Variants in SMG5 observed in about 807,000 individuals in gnomAD.
The protein encoded by SMG5 is SMG5 nonsense mediated mRNA decay factor.
SMG5 carries 53 observed loss-of-function variants against 122.9 expected under a neutral mutation model. The ratio of observed to expected loss-of-function variants is 0.43; its 90% CI spans 0.35 to 0.54. The LOEUF is 0.54. Ranked by LOEUF, SMG5 falls within the 20% of genes least tolerant of loss-of-function variation. SMG5 has a pLI of 0.01. For missense variants in SMG5, 1,153 were observed against 1,285.6 expected (o/e 0.90, Z 1.58); for synonymous variants, 477 against 490.2 (o/e 0.97, Z 0.35).
At chr1:156,282,855 A>C (rs1254433376), upstream of SMG5, 2 of 641,602 alleles carry the variant, frequency 3.1e-6, no homozygotes, top group Non-Finnish European at 5.2e-6. Flanking sequence ...AAATCTCGCG[A>C]TGGCAGCCGC....
chr1:156,268,018 G>A (rs1265579643), intron 9 of SMG5, 97 bp downstream of exon 9: 1 of 1,256,536 alleles, frequency 8.0e-7, no homozygotes, highest in Non-Finnish European at 1.1e-6. Flanking sequence ...CAAACTGAGG[G>A]CAGAACTCGA....
chr1:156,276,697 AC>A (rs1662700426), intron 4 of SMG5, among the ~76,000 whole-genome samples: 2 of 152,240 alleles, frequency 1.3e-5, no homozygotes, highest in Non-Finnish European at 2.9e-5. Context: ...AAGACTGTCC[AC>A]AATTTTCCCA....
chr1:156,268,056 G>A (rs913389867), intron 9 of SMG5, 59 bp downstream of exon 9: 3 of 1,567,372 alleles, frequency 1.9e-6, no homozygotes, highest in Non-Finnish European at 2.6e-6. Context: ...GGTTCCTTCT[G>A]TAAAGCATCA....
At chr1:156,279,599 G>A (rs1349332405) in intron 1 of SMG5, among the ~76,000 whole-genome samples, 1 of 152,158 alleles carries the variant, frequency 6.6e-6, no homozygotes, top group Non-Finnish European at 1.5e-5. Context: ...GAACTGTTGT[G>A]AGGATTAAAT....
Position 156,267,564 on chromosome 1 carries a change from C to T in SMG5, c.1023G>A (p.Glu341=), listed in dbSNP as rs775662116. The change falls in exon 10 of 22, where the codon GAG becomes GAA. Residue 341 remains glutamate (E), a synonymous_variant. Coordinates refer to ENST00000361813, the MANE Select transcript of SMG5 (RefSeq NM_015327.3). Reference sequence around the variant, plus strand: ...GGAAAGCATATCCACTCTCATACTCCTCCTCATCCTCACTGGCCAGGCTGA... The same window carrying T: ...GGAAAGCATATCCACTCTCATACTCTTCCTCATCCTCACTGGCCAGGCTGA... ...PNLSLASEDE[E]EYESGYAFLP... The T allele has an allele frequency of 1.3e-5, 21 of 1,613,966 alleles. No homozygotes were observed. The highest frequency in any genetic ancestry group is 3.3e-5 in the Admixed American group (2 of 60,000).
In SMG5 at chr1:156,250,599, C is replaced by G. The variant is rs767406504; in HGVS notation, c.3039G>C (p.Lys1013Asn). The G allele has an allele frequency of 6.2e-7, 1 of 1,614,120 alleles. No homozygotes were observed. The highest frequency in any genetic ancestry group is 2.2e-5 in the East Asian group (1 of 44,876). ...KNVLDFYKQW[K>N]EIG The stretch of plus-strand genomic sequence containing the variant: ...CTGGGGGTCAGTATCAACCAATTTC[C>G]TTCCACTGCTTGTAGAAGTCCAGAA... Residue 1013 changes from lysine to asparagine, a missense_variant, in exon 22 of 22, where the codon AAG becomes AAC. Physicochemically the swap from Lys to Asn is moderately conservative, Grantham distance 94. Transcript: ENST00000361813.
intron 12 of SMG5, among the ~76,000 whole-genome samples, chr1:156,265,072 C>CACACA (rs1553293436): frequency 6.8e-6 from 1 of 147,734 alleles, no homozygotes; most frequent in South Asian, 2.2e-4. Context: ...CACACACACA[C>CACACA]AAAAGCCGGG....
At chr1:156,272,961 C>A (rs1662500928) in intron 6 of SMG5, among the ~76,000 whole-genome samples, 1 of 152,184 alleles carries the variant, frequency 6.6e-6, no homozygotes, top group Non-Finnish European at 1.5e-5. Context: ...TCCAATATGG[C>A]TCCTCCAAGG....
At chr1:156,268,091 AG>A (rs754002577) in intron 9 of SMG5, 23 bp downstream of exon 9, 5 of 1,612,440 alleles carry the variant, frequency 3.1e-6, no homozygotes, top group Non-Finnish European at 2.5e-6. Flanking sequence ...AGGATAGTTC[AG>A]GTTCATGCTC....
chr1:156,279,127 A>G, intron 1 of SMG5, 93 bp from the exon 2 acceptor site: 1 of 1,080,396 alleles, frequency 9.3e-7, no homozygotes, highest in East Asian at 2.4e-5. Flanking sequence ...AAGCTACAGA[A>G]TTAGCGGTGA....
At chr1:156,259,329 A>C (rs1190416432) in intron 15 of SMG5, among the ~76,000 whole-genome samples, 166 bp from the exon 16 acceptor site, 1 of 152,074 alleles carries the variant, frequency 6.6e-6, no homozygotes, top group Non-Finnish European at 1.5e-5. Context: ...GGAAGGAGAA[A>C]CACTAAGGCC....
chr1:156,256,407 C>T (rs1661580776), intron 16 of SMG5, among the ~76,000 whole-genome samples: 1 of 149,178 alleles, frequency 6.7e-6, no homozygotes, highest in South Asian at 2.1e-4. Flanking sequence ...CTCAACCTAA[C>T]AGCCATTTTC....
intron 7 of SMG5, 145 bp from the exon 8 acceptor site, chr1:156,268,560 G>A (rs898038167): frequency 3.0e-6 from 3 of 1,011,314 alleles, no homozygotes; most frequent in African/African-American, 3.2e-5. Context: ...AAAGGCTCAT[G>A]AGCTATCTTT....
intron 1 of SMG5, among the ~76,000 whole-genome samples, chr1:156,282,364 C>T (rs1364276735): frequency 6.6e-6 from 1 of 152,166 alleles, no homozygotes; most frequent in Non-Finnish European, 1.5e-5. Flanking sequence ...GTGCCCGCCC[C>T]AAGAAAGCTC....
chr1:156,282,575 G>A, intron 1 of SMG5, 32 bp downstream of exon 1: 1 of 1,582,536 alleles, frequency 6.3e-7, no homozygotes, highest in Non-Finnish European at 8.6e-7. Flanking sequence ...CACTTCCCTC[G>A]GTGGCTGCTC....
intron 7 of SMG5, among the ~76,000 whole-genome samples, chr1:156,268,730 G>C (rs1400897717): frequency 6.6e-6 from 1 of 152,116 alleles, no homozygotes; most frequent in Non-Finnish European, 1.5e-5. Flanking sequence ...TTTAAACATA[G>C]AATACTTTAT....
intron 16 of SMG5, among the ~76,000 whole-genome samples, chr1:156,256,306 CTCTCTTTT>C (rs1348198251): frequency 9.4e-5 from 13 of 138,196 alleles, no homozygotes; most frequent in East Asian, 6.3e-4. Flanking sequence ...GAGCCATCTT[CTCTCTTTT>C]TTTTTTTTTT....
At chr1:156,275,748 C>T (rs188601948) in intron 4 of SMG5, among the ~76,000 whole-genome samples, 1 of 151,994 alleles carries the variant, frequency 6.6e-6, no homozygotes, top group African/African-American at 2.4e-5. Context: ...AGCTGTGGAC[C>T]CCTCTAGCTA....
chr1:156,291,481 C>A, the SMG5 span: 3 of 1,613,498 alleles, frequency 1.9e-6, no homozygotes, highest in South Asian at 3.3e-5. Context: ...TGATGTGGAA[C>A]CTCTACTACA....
Sources: allele counts gnomAD v4.1 joint callset (sites outside exome capture counted in the v4.1 genomes callset), GRCh38; gene constraint gnomAD v4.1.1; transcripts MANE v1.5; gene names NCBI Gene and HGNC (gene_info 2026-07-23, HGNC 2026-07-21).